Variants in SMC2 observed in about 807,000 individuals in gnomAD.
The protein encoded by SMC2 is structural maintenance of chromosomes 2, also known as structural maintenance of chromosomes protein 2.
SMC2 carries 41 observed loss-of-function variants against 142.6 expected under a neutral mutation model. That is an observed-to-expected ratio of 0.29 (90% CI 0.22 to 0.37). SMC2 has a LOEUF of 0.37. SMC2 is among the 10% of genes least tolerant of loss of function. SMC2 has a pLI of 1.00. For missense variants in SMC2, 1,265 were observed against 1,373.7 expected, an observed-to-expected ratio of 0.92 and a Z score of 1.25; for synonymous variants, 463 against 457.5, an observed-to-expected ratio of 1.01 and a Z score of -0.15.
At chr9:104,090,350 C>G (rs1829968906), upstream of SMC2, among the ~76,000 whole-genome samples, 1 of 152,056 alleles carries the variant, frequency 6.6e-6, no homozygotes, top group African/African-American at 2.4e-5. Context: ...GTTTTAATGT[C>G]CAAGCACAAG....
chr9:104,098,303 A>G (rs1587887732), intron 3 of SMC2, 143 bp from the exon 4 acceptor site: 1 of 606,366 alleles, frequency 1.6e-6, no homozygotes, highest in Non-Finnish European at 2.6e-6. Context: ...TGACCATGTC[A>G]TACTTGTTCC....
chr9:104,126,172 T>C (rs1395993090), intron 18 of SMC2, among the ~76,000 whole-genome samples: 1 of 152,128 alleles, frequency 6.6e-6, no homozygotes, highest in Non-Finnish European at 1.5e-5. Context: ...AACCATACTC[T>C]CTCCCTGTGC....
chr9:104,116,888 TGTA>T (rs1343189756), intron 14 of SMC2, among the ~76,000 whole-genome samples: 1 of 152,190 alleles, frequency 6.6e-6, no homozygotes, highest in Non-Finnish European at 1.5e-5. Flanking sequence ...TAAAAGTTAT[TGTA>T]GTTGTGTAAT....
rs762632542 is a variant in SMC2, at chr9:104,111,681, C to T, written c.1121C>T (p.Ala374Val). Reference protein sequence around the residue: ...EASNKDAEALAAAQQHFNAVS... With the variant: ...EASNKDAEALVAAQQHFNAVS... ...AGTAATAAAGATGCTGAAGCTCTGG[C>T]AGCTGCACAGCAGCACTTCAATGCT... Residue 374 changes from alanine (A) to valine (V), a missense_variant, in exon 10 of 25, where the codon GCA (alanine) becomes GTA (valine). Around this residue, in one of 4 missense-constraint regions of SMC2, gnomAD observed 898 missense variants for 904.2 expected, o/e 0.99. Transcript: ENST00000374793. 12 of 1,613,908 alleles carry T rather than the reference C, an allele frequency of 7.4e-6. No individual in the cohort carries two copies. In the South Asian group the frequency reaches 1.3e-4, roughly 18 times the overall value.
chr9:104,102,378 G>T (rs777584143), intron 8 of SMC2, 46 bp from the exon 9 acceptor site: 3 of 1,536,674 alleles, frequency 2.0e-6, no homozygotes, highest in Admixed American at 4.2e-5. Context: ...ATGACAGCGT[G>T]AACAAATTTT....
In SMC2 at chr9:104,098,518, T is replaced by G. The variant is rs554183025; in HGVS notation, c.391T>G (p.Phe131Val). Residue 131 changes from phenylalanine to valine, a missense_variant, in exon 4 of 25, where the codon TTC (phenylalanine) becomes GTC (valine). Physicochemically the swap from Phe to Val is conservative, Grantham distance 50. Transcript: ENST00000374793. Reference sequence around the variant, plus strand: ...CAACAACACCAGAGTACAGGATCTCTTCTGTTCTGTTGGCCTTAATGTTAA... The same window carrying G: ...CAACAACACCAGAGTACAGGATCTCGTCTGTTCTGTTGGCCTTAATGTTAA... ...NANNTRVQDL[F>V]CSVGLNVNNP... The G allele has an allele frequency of 4.2e-5, 68 of 1,600,424 alleles. No individual in the cohort carries two copies. Among genetic ancestry groups the G allele is most frequent in the Non-Finnish European group, 5.4e-5 (63 of 1,174,656 alleles).
chr9:104,135,438 A>T (rs1835426058), intron 23 of SMC2, among the ~76,000 whole-genome samples: 1 of 152,174 alleles, frequency 6.6e-6, no homozygotes. Context: ...CTGGAGAAAG[A>T]AAAAACAACC....
At position 104,114,714 on chromosome 9, in the gene SMC2, G is replaced by A. The variant is rs958923640; in HGVS notation, c.1556G>A (p.Arg519Lys). The A allele has an allele frequency of 6.8e-6, 11 of 1,612,186 alleles. No homozygotes were observed. Among genetic ancestry groups the A allele is most frequent in the Non-Finnish European group, 9.3e-6 (11 of 1,178,932 alleles). The change falls in exon 13 of 25, where the codon AGA becomes AAA. Residue 519 changes from arginine (R) to lysine (K), a missense_variant. Physicochemically the swap from Arg to Lys is conservative, Grantham distance 26. This residue lies in a region of SMC2 where 898 missense variants were observed against 904.2 expected (regional missense o/e 0.99). Coordinates refer to ENST00000374793, the MANE Select transcript of SMC2 (RefSeq NM_006444.3). Reference protein sequence around the residue: ...AYKDPEKNWNRNCVKGLVASL... With the variant: ...AYKDPEKNWNKNCVKGLVASL... ...AGGGATCCAGAGAAGAACTGGAATA[G>A]AAATTGTGTGAAAGGACTTGTGGCT...
At chr9:104,138,260 A>C in intron 24 of SMC2, 95 bp downstream of exon 24, 1 of 1,010,788 alleles carries the variant, frequency 9.9e-7, no homozygotes, top group Non-Finnish European at 1.4e-6. Flanking sequence ...TAAGATATTT[A>C]GGGTTGATAA....
At chr9:104,127,503 T>A in intron 20 of SMC2, 23 bp downstream of exon 20, 5 of 1,473,132 alleles carry the variant, frequency 3.4e-6, no homozygotes, top group Non-Finnish European at 4.5e-6. Context: ...GTGCATTTTT[T>A]ATACTAAATC....
intron 20 of SMC2, among the ~76,000 whole-genome samples, chr9:104,129,067 T>C (rs1044165586): frequency 1.3e-5 from 2 of 152,196 alleles, no homozygotes; most frequent in Non-Finnish European, 2.9e-5. Flanking sequence ...TTGCGTATAC[T>C]TCGTAAAAAT....
intron 12 of SMC2, among the ~76,000 whole-genome samples, chr9:104,114,325 C>T (rs1832837047): frequency 6.6e-6 from 1 of 152,092 alleles, no homozygotes; most frequent in Admixed American, 6.6e-5. Flanking sequence ...GAAATTTAAT[C>T]TCAGTTCAAA....
intron 23 of SMC2, among the ~76,000 whole-genome samples, chr9:104,136,597 T>TGC (rs1835553849): frequency 6.6e-6 from 1 of 152,120 alleles, no homozygotes; most frequent in Non-Finnish European, 1.5e-5. Context: ...AGCAGAATTT[T>TGC]TTTTTTAAGA....
At chr9:104,136,755 C>CTTTTTTTTTTTTT (rs755408895) in intron 23 of SMC2, among the ~76,000 whole-genome samples, 1 of 119,834 alleles carries the variant, frequency 8.3e-6, no homozygotes, top group African/African-American at 3.1e-5. Flanking sequence ...CTGTTTTATT[C>CTTTTTTTTTTTTT]TTTTTTTTTT....
At chr9:104,116,764 T>C (rs1833165386) in intron 14 of SMC2, among the ~76,000 whole-genome samples, 1 of 152,234 alleles carries the variant, frequency 6.6e-6, no homozygotes, top group African/African-American at 2.4e-5. Context: ...TCTAGATTGC[T>C]ATTCAGCCTG....
chr9:104,134,654 T>C, intron 23 of SMC2, 79 bp downstream of exon 23: 1 of 976,472 alleles, frequency 1.0e-6, no homozygotes, highest in Non-Finnish European at 1.5e-6. Flanking sequence ...ACTGTATTTG[T>C]GTTTTAACTA....
At chr9:104,116,359 T>C in intron 14 of SMC2, 40 bp downstream of exon 14, 1 of 1,545,860 alleles carries the variant, frequency 6.5e-7, no homozygotes, top group South Asian at 1.2e-5. Context: ...TTAATCGTCA[T>C]CTGTGGTTTT....
chr9:104,114,057 T>G lies in SMC2; in HGVS notation c.1508T>G (p.Phe503Cys). 6.3e-7 allele frequency: 1 copy of G among 1,578,092 alleles called. No individual in the cohort carries two copies. The highest frequency in any genetic ancestry group is 1.2e-5 in the South Asian group (1 of 85,642). ...KETYEALLAR[F>C]PNLRFAYKDP... ...ACATATGAAGCTCTATTAGCCAGAT[T>G]TCCCAATCTTCGATTTGCATACAAG... Residue 503 changes from phenylalanine to cysteine, a missense_variant, in exon 12 of 25, where the codon TTT (phenylalanine) becomes TGT (cysteine). This residue lies in a region of SMC2 where 898 missense variants were observed against 904.2 expected (regional missense o/e 0.99). Coordinates refer to ENST00000374793, the MANE Select transcript of SMC2 (RefSeq NM_006444.3).
chr9:104,099,942 G>A, intron 5 of SMC2, 151 bp from the exon 6 acceptor site: 1 of 620,668 alleles, frequency 1.6e-6, no homozygotes, highest in Non-Finnish European at 2.8e-6. Flanking sequence ...AAAGGTTTGT[G>A]TGAAATTACT....
Sources: allele counts gnomAD v4.1 joint callset (sites outside exome capture counted in the v4.1 genomes callset), GRCh38; gene constraint gnomAD v4.1.1; regional missense constraint gnomAD v4.1.1; transcripts MANE v1.5; gene names NCBI Gene and HGNC (gene_info 2026-07-23, HGNC 2026-07-21).